SGMS1: variants seen among roughly 807,000 people sequenced by gnomAD.
SGMS1 encodes sphingomyelin synthase 1.
In SGMS1, 13 loss-of-function variants were observed where a neutral mutation model predicts 46.2. The observed-to-expected ratio is 0.28, with a 90% confidence interval of 0.18 to 0.45. The LOEUF is 0.45. Among genes scored for constraint, SGMS1 ranks in the 20% least tolerant of loss-of-function variants. The pLI is 1.00. For missense variants in SGMS1, 324 were observed against 519.9 expected, an observed-to-expected ratio of 0.62 and a Z score of 3.66; for synonymous variants, 203 against 187.8, an observed-to-expected ratio of 1.08 and a Z score of -0.66.
intron 7 of SGMS1, among the ~76,000 whole-genome samples, chr10:50,334,022 A>T (rs1428295085): frequency 6.6e-6 from 1 of 152,266 alleles, no homozygotes; most frequent in Admixed American, 6.5e-5. Context: ...AGAGTAAGTC[A>T]ATGACAGAGT....
chr10:50,552,899 C>T (rs374490079), intron 2 of SGMS1, among the ~76,000 whole-genome samples: 1 of 152,104 alleles, frequency 6.6e-6, no homozygotes, highest in Non-Finnish European at 1.5e-5. Flanking sequence ...GTGTGAACAC[C>T]AGAGCAAAGA....
chr10:50,500,747 C>CGTAA (rs1225227221), intron 3 of SGMS1, among the ~76,000 whole-genome samples: 1 of 152,168 alleles, frequency 6.6e-6, no homozygotes, highest in Non-Finnish European at 1.5e-5. Context: ...CCTTGGCTAA[C>CGTAA]GTAAGTCCAT....
intron 1 of SGMS1, among the ~76,000 whole-genome samples, chr10:50,593,708 A>G (rs1838563820): frequency 6.6e-6 from 1 of 152,186 alleles, no homozygotes; most frequent in Non-Finnish European, 1.5e-5. Flanking sequence ...TGAATGAAAC[A>G]ATACGGTATG....
At chr10:50,384,290 C>G (rs1848649642) in intron 6 of SGMS1, among the ~76,000 whole-genome samples, 1 of 151,994 alleles carries the variant, frequency 6.6e-6, no homozygotes, top group Admixed American at 6.6e-5. Flanking sequence ...AACATTTGAG[C>G]CTTTTGTTTC....
At chr10:50,428,462 G>A (rs1849358525) in intron 6 of SGMS1, among the ~76,000 whole-genome samples, 1 of 152,126 alleles carries the variant, frequency 6.6e-6, no homozygotes, top group Non-Finnish European at 1.5e-5. Flanking sequence ...TGGAAGGTGG[G>A]CAGAAAGGAG....
intron 8 of SGMS1, among the ~76,000 whole-genome samples, chr10:50,326,039 CAAG>C (rs1186553572): frequency 6.6e-6 from 1 of 151,732 alleles, no homozygotes; most frequent in East Asian, 1.9e-4. Flanking sequence ...AAAGAAACTG[CAAG>C]AAGGAGAGTG....
At chr10:50,355,258 C>T (rs1182128243) in intron 6 of SGMS1, among the ~76,000 whole-genome samples, 1 of 152,188 alleles carries the variant, frequency 6.6e-6, no homozygotes, top group African/African-American at 2.4e-5. Context: ...GAATACTATG[C>T]AACCATAAAA....
intron 1 of SGMS1, among the ~76,000 whole-genome samples, chr10:50,605,703 C>A (rs1838688317): frequency 6.6e-6 from 1 of 152,198 alleles, no homozygotes; most frequent in African/African-American, 2.4e-5. Context: ...AGTGATAAGG[C>A]ACCCTCTAAT....
chr10:50,401,606 C>A (rs999032085), intron 6 of SGMS1, among the ~76,000 whole-genome samples: 2 of 152,138 alleles, frequency 1.3e-5, no homozygotes, highest in Non-Finnish European at 2.9e-5. Context: ...TATATGCCAC[C>A]AAAACTTTAC....
intron 4 of SGMS1, among the ~76,000 whole-genome samples, chr10:50,461,631 C>T (rs1173465610): frequency 6.6e-6 from 1 of 152,104 alleles, no homozygotes; most frequent in African/African-American, 2.4e-5. Context: ...TGTTCTATCC[C>T]TCCCCACTTA....
intron 2 of SGMS1, among the ~76,000 whole-genome samples, chr10:50,528,637 A>G (rs1437582480): frequency 2.6e-5 from 4 of 152,174 alleles, no homozygotes; most frequent in Non-Finnish European, 5.9e-5. Flanking sequence ...GGTAGCTCAC[A>G]CCTGTAATCC....
At chr10:50,557,177 T>G (rs1838195846) in intron 2 of SGMS1, among the ~76,000 whole-genome samples, 1 of 152,210 alleles carries the variant, frequency 6.6e-6, no homozygotes, top group Non-Finnish European at 1.5e-5. Flanking sequence ...TAGGGTACAG[T>G]TCTTTGTAAA....
At chr10:50,621,902 G>A (rs1271783175) in intron 1 of SGMS1, among the ~76,000 whole-genome samples, 2 of 152,216 alleles carry the variant, frequency 1.3e-5, no homozygotes, top group Non-Finnish European at 2.9e-5. Context: ...AGGTCACAGA[G>A]ATGCAGAGAC....
intron 2 of SGMS1, among the ~76,000 whole-genome samples, chr10:50,576,064 G>A (rs1317344041): frequency 6.6e-6 from 1 of 152,002 alleles, no homozygotes; most frequent in Non-Finnish European, 1.5e-5. Context: ...GTTAGAGAGA[G>A]TGGAACCTAC....
intron 2 of SGMS1, among the ~76,000 whole-genome samples, chr10:50,563,470 G>A (rs1163255938): frequency 1.3e-5 from 2 of 152,126 alleles, no homozygotes; most frequent in Admixed American, 6.5e-5. Flanking sequence ...GAGGCCGGGC[G>A]CGGTGGCTCA....
intron 2 of SGMS1, among the ~76,000 whole-genome samples, chr10:50,580,359 C>T (rs1564436754): frequency 6.6e-6 from 1 of 152,098 alleles, no homozygotes; most frequent in South Asian, 2.1e-4. Flanking sequence ...ATTATACCAT[C>T]TGACAACTTA....
intron 6 of SGMS1, among the ~76,000 whole-genome samples, chr10:50,427,760 G>C (rs1278697507): frequency 6.6e-6 from 1 of 152,136 alleles, no homozygotes; most frequent in Admixed American, 6.5e-5. Flanking sequence ...ATTCCTGAAG[G>C]CTGGGTCCAG....
At chr10:50,315,244 T>C (rs1847321459) in intron 8 of SGMS1, among the ~76,000 whole-genome samples, 1 of 152,370 alleles carries the variant, frequency 6.6e-6, no homozygotes, top group Non-Finnish European at 1.5e-5. Context: ...TAATTATAAC[T>C]GTTTTACAAA....
At chr10:50,358,933 G>A (rs1848201525) in intron 6 of SGMS1, among the ~76,000 whole-genome samples, 1 of 152,060 alleles carries the variant, frequency 6.6e-6, no homozygotes, top group African/African-American at 2.4e-5. Context: ...TTCAGCTGAA[G>A]GACCTACACA....
Sources: gnomAD v4.1 joint callset for allele counts (sites outside exome capture counted in the v4.1 genomes callset) on GRCh38, gnomAD v4.1.1 for gene constraint, MANE v1.5 for transcripts, NCBI Gene and HGNC (gene_info 2026-07-23, HGNC 2026-07-21) for gene names.